The following PCDHGA1 variants were observed in gnomAD, a reference collection of about 807,000 sequenced individuals.
PCDHGA1 encodes protocadherin gamma-A1.
A neutral mutation model predicts 58.0 loss-of-function variants in PCDHGA1; 32 were observed. The ratio of observed to expected loss-of-function variants is 0.55; its 90% CI spans 0.42 to 0.74. The LOEUF (loss-of-function observed/expected upper bound fraction) is 0.74, where lower values mean the gene tolerates loss of function less well. Ranked by LOEUF, PCDHGA1 falls within the 30% of genes least tolerant of loss-of-function variation. The probability of loss-of-function intolerance (pLI) is 0.00; values close to 1 mark genes in which losing one functional copy is unlikely to be tolerated. For synonymous variants in PCDHGA1, 498 were observed against 501.1 expected, an observed-to-expected ratio of 0.99 and a Z score of 0.08; for missense variants, 1,205 against 1,182.3, an observed-to-expected ratio of 1.02 and a Z score of -0.28.
Position 141,359,430 on chromosome 5 carries a change from C to A in PCDHGA1, c.2421+26325C>A, listed in dbSNP as rs374091211. On this transcript the variant is annotated intron_variant, in intron 1 of 3. Coordinates refer to ENST00000517417, the MANE Select transcript of PCDHGA1 (RefSeq NM_018912.3). Reference sequence around the variant, plus strand: ...AAAAATGTGTTTTTGTTAGAATGGGCAGTGGGTTTCTTTTAGCAAATAACA... The same window carrying A: ...AAAAATGTGTTTTTGTTAGAATGGGAAGTGGGTTTCTTTTAGCAAATAACA... 2.0e-5 allele frequency among the ~76,000 whole-genome samples: 3 copies of A among 151,344 alleles called. No individual in the cohort carries two copies. The East Asian group carries it at 5.8e-4, about 29-fold the overall frequency.
Position 141,485,342 on chromosome 5 carries a change from G to C in PCDHGA1, c.2422-9465G>C. 1.2e-6 allele frequency: 2 copies of C among 1,614,164 alleles called. No individual in the cohort carries two copies. Among genetic ancestry groups the C allele is most frequent in the Non-Finnish European group, 1.7e-6 (2 of 1,180,026 alleles). On this transcript the variant is annotated intron_variant, in intron 1 of 3. Coordinates refer to ENST00000517417, the MANE Select transcript of PCDHGA1 (RefSeq NM_018912.3). The surrounding 1 kb of genome is among the most constrained non-coding windows in gnomAD (Gnocchi z 5.7). The stretch of plus-strand genomic sequence containing the variant: ...CGCTCAAGATTTCCTGCTGGATACG[G>C]ACAGTCTGTCAGCTCGCAGGCTGCA...
At position 141,491,591 on chromosome 5, in the gene PCDHGA1, G is replaced by A. The variant is rs969259993; in HGVS notation, c.2422-3216G>A. 22 of 1,613,862 alleles carry A rather than the reference G, an allele frequency of 1.4e-5. No individual in the cohort carries two copies. The highest frequency in any genetic ancestry group is 1.8e-5 in the Non-Finnish European group (21 of 1,180,048). ...ACGTGCTTTTCACCGGCCTCGGACG[G>A]CAGTGACTTCACTTTTCTAAGACCC... On this transcript the variant is annotated intron_variant, in intron 1 of 3. Coordinates refer to ENST00000517417, the MANE Select transcript of PCDHGA1 (RefSeq NM_018912.3). This position sits in a 1 kb window ranked among gnomAD's most constrained non-coding sequence, Gnocchi z 6.9.
intron 1 of PCDHGA1, chr5:141,402,858 G>A: frequency 1.4e-6 from 2 of 1,427,466 alleles, no homozygotes; most frequent in Admixed American, 2.9e-5. Context: ...TTTCTTCTAA[G>A]GAAAAGATCA....
rs143638501 is a variant in PCDHGA1, at chr5:141,486,817, T to C, written c.2422-7990T>C. On this transcript the variant is annotated intron_variant, in intron 1 of 3. Coordinates refer to ENST00000517417, the MANE Select transcript of PCDHGA1 (RefSeq NM_018912.3). This position sits in a 1 kb window ranked among gnomAD's most constrained non-coding sequence, Gnocchi z 5.0. ...GGGGCAACCCACCCCTTAGCAGCACTGTAACAGTTCGTCTATTTGTGCTGG... is the reference window on the plus strand; with the variant it reads ...GGGGCAACCCACCCCTTAGCAGCACCGTAACAGTTCGTCTATTTGTGCTGG... 153 of 1,614,220 alleles carry C rather than the reference T, an allele frequency of 9.5e-5. 1 individual carries two copies. In the African/African-American group the frequency reaches 1.4e-3, roughly 15 times the overall value.
chr5:141,371,942 G>A, intron 1 of PCDHGA1: 5 of 1,613,292 alleles, frequency 3.1e-6, no homozygotes, highest in South Asian at 2.2e-5. Flanking sequence ...TGGTGTTCGC[G>A]CAGCGAGCCT....
chr5:141,401,503 C>A (rs755118621), intron 1 of PCDHGA1, among the ~76,000 whole-genome samples: 1 of 151,946 alleles, frequency 6.6e-6, no homozygotes, highest in Non-Finnish European at 1.5e-5. Flanking sequence ...AATCCTTTTC[C>A]ACCTCTATAT....
chr5:141,409,490 C>G (rs780688280), intron 1 of PCDHGA1: 12 of 1,613,892 alleles, frequency 7.4e-6, no homozygotes, highest in Non-Finnish European at 1.0e-5. Context: ...CAGGGGCAAG[C>G]CGCCTCTTTC....
In PCDHGA1 at chr5:141,419,425, C is replaced by T. The variant is rs3749766; in HGVS notation, c.2422-75382C>T. Reference sequence around the variant, plus strand: ...TGTTCGCGCAGCGCGCCTTCGACCACGAGCAGCTGCGCACCTTCGAGCTCA... The same window carrying T: ...TGTTCGCGCAGCGCGCCTTCGACCATGAGCAGCTGCGCACCTTCGAGCTCA... On this transcript the variant is annotated intron_variant, in intron 1 of 3. Transcript: ENST00000517417. 284 of 1,613,316 alleles carry T rather than the reference C, an allele frequency of 1.8e-4. 1 individual carries two copies. The East Asian group carries it at 5.9e-3, about 34-fold the overall frequency.
intron 1 of PCDHGA1, chr5:141,398,277 C>T: frequency 1.4e-6 from 2 of 1,407,866 alleles, no homozygotes; most frequent in Non-Finnish European, 1.9e-6. Flanking sequence ...TGGGGAACCT[C>T]GCCACGGACC....
At chr5:141,341,381 G>A in intron 1 of PCDHGA1, 1 of 1,614,234 alleles carries the variant, frequency 6.2e-7, no homozygotes, top group Non-Finnish European at 8.5e-7. Context: ...AGAAAGAGAA[G>A]AAACGTTTTC....
In PCDHGA1 at chr5:141,415,309, G is replaced by C. The variant is rs199689792; in HGVS notation, c.2422-79498G>C. 3.4e-5 allele frequency: 55 copies of C among 1,614,098 alleles called. No homozygotes were observed. Among genetic ancestry groups the C allele is most frequent in the Middle Eastern group, 1.6e-4 (1 of 6,084 alleles). On this transcript the variant is annotated intron_variant, in intron 1 of 3. Transcript: ENST00000517417. ...GGTCTCCTGCGTCTTCCTGGCCTTC[G>C]TCATCGTGCTGCTGGCGCACAGGCT...
rs1181585491 is a variant in PCDHGA1, at chr5:141,371,693, C to A, written c.2421+38588C>A. Reference sequence around the variant, plus strand: ...CCGACAAAGGCAATCCACCGCTCTCCTCCAGCAAGACCATCACTCTGCACA... The same window carrying A: ...CCGACAAAGGCAATCCACCGCTCTCATCCAGCAAGACCATCACTCTGCACA... On this transcript the variant is annotated intron_variant, in intron 1 of 3. Transcript: ENST00000517417. 6.8e-6 allele frequency: 11 copies of A among 1,613,948 alleles called. No individual in the cohort carries two copies. In the Admixed American group the frequency reaches 1.7e-4, roughly 24 times the overall value.
chr5:141,419,999 C>T (rs369649545), intron 1 of PCDHGA1: 4 of 1,613,960 alleles, frequency 2.5e-6, no homozygotes, highest in Non-Finnish European at 3.4e-6. Flanking sequence ...TATTGCTCTA[C>T]GCCTGCGACA....
intron 1 of PCDHGA1, chr5:141,362,520 C>T (rs201116803): frequency 1.3e-4 from 210 of 1,613,870 alleles, no homozygotes; most frequent in Non-Finnish European, 1.7e-4. Context: ...ATCATGGAGC[C>T]GCTGGGGTCC....
At chr5:141,360,588 A>G in intron 1 of PCDHGA1, 1 of 1,614,006 alleles carries the variant, frequency 6.2e-7, no homozygotes, top group Non-Finnish European at 8.5e-7. Flanking sequence ...CAGGTACAAC[A>G]TTTCCACTTG....
At chr5:141,422,009 G>C (rs1483710075) in intron 1 of PCDHGA1, 1 of 1,609,752 alleles carries the variant, frequency 6.2e-7, no homozygotes, top group Non-Finnish European at 8.5e-7. Flanking sequence ...TCCGGAACTC[G>C]GGTGCTGATG....
rs765972156 is a variant in PCDHGA1, at chr5:141,432,960, G to A, written c.2422-61847G>A. 3.1e-6 allele frequency: 5 copies of A among 1,614,070 alleles called. No individual in the cohort carries two copies. The East Asian group carries it at 6.7e-5, about 22-fold the overall frequency. On this transcript the variant is annotated intron_variant, in intron 1 of 3. Transcript: ENST00000517417. This position sits in a 1 kb window ranked among gnomAD's most constrained non-coding sequence, Gnocchi z 6.0. ...CAGGCTTCAGGAGGCGGCTTGACAG[G>A]AGCGCCGGCGTCGCACTTTGTGGGC...
At chr5:141,351,596 C>A (rs773771390) in intron 1 of PCDHGA1, 2 of 1,614,088 alleles carry the variant, frequency 1.2e-6, no homozygotes, top group Non-Finnish European at 1.7e-6. Flanking sequence ...CGACAATGCA[C>A]CTGTTTTCCA....
intron 1 of PCDHGA1, chr5:141,399,531 G>A (rs771221717): frequency 1.2e-6 from 2 of 1,614,052 alleles, no homozygotes; most frequent in Non-Finnish European, 1.7e-6. Flanking sequence ...CCTCCATCGC[G>A]CAAGTCTGCG....
Sources: allele counts gnomAD v4.1 joint callset (sites outside exome capture counted in the v4.1 genomes callset), GRCh38; gene constraint gnomAD v4.1.1; non-coding constraint Gnocchi (gnomAD v3.1); transcripts MANE v1.5; gene names NCBI Gene and HGNC (gene_info 2026-07-23, HGNC 2026-07-21).